Variants in CELA3A observed in about 807,000 individuals in gnomAD.
CELA3A encodes the protein chymotrypsin-like elastase family member 3A.
In CELA3A, 35 loss-of-function variants were observed where a neutral mutation model predicts 38.6. That is an observed-to-expected ratio of 0.91 (90% CI 0.69 to 1.20). The LOEUF (loss-of-function observed/expected upper bound fraction) is 1.20. Ranked by LOEUF, CELA3A falls within the 50% of genes most tolerant of loss-of-function variation. CELA3A has a pLI of 0.00. For missense variants in CELA3A, 343 were observed against 354.2 expected (o/e 0.97, Z 0.25); for synonymous variants, 143 against 136.7 (o/e 1.05, Z -0.32).
Position 22,007,438 on chromosome 1 carries a change from T to G in CELA3A, c.565T>G (p.Ser189Ala). The G allele has an allele frequency of 6.2e-7, 1 of 1,612,546 alleles. No homozygotes were observed. The highest frequency in any genetic ancestry group is 2.2e-5 in the East Asian group (1 of 44,706). The change falls in exon 6 of 8, where the codon TCC becomes GCC. Residue 189 changes from serine (S) to alanine (A), a missense_variant. Physicochemically the swap from Ser to Ala is moderately conservative, Grantham distance 99. Transcript: ENST00000290122. ...GCCCGTGGTGGACTATAAGCACTGC[T>G]CCAGGTGGAACTGGTGGGGTTCCAC... ...RLPVVDYKHC[S>A]RWNWWGSTVK...
intron 1 of CELA3A, chr1:22,002,629 C>A (rs533381882): frequency 2.2e-6 from 1 of 457,888 alleles, no homozygotes; most frequent in Admixed American, 2.4e-5. Flanking sequence ...AGGTGTGAAC[C>A]ACCACACACA....
At chr1:22,004,053 T>C (rs1363009456) in intron 2 of CELA3A, among the ~76,000 whole-genome samples, 1 of 129,274 alleles carries the variant, frequency 7.7e-6, no homozygotes, top group Non-Finnish European at 1.5e-5. Context: ...TCAGTGCTTT[T>C]TTCTTTTCTT....
At chr1:22,003,578 G>A (rs1644930865) in intron 2 of CELA3A, among the ~76,000 whole-genome samples, 1 of 150,744 alleles carries the variant, frequency 6.6e-6, no homozygotes, top group Admixed American at 6.6e-5. Flanking sequence ...CTACTCAGGA[G>A]GCTGAGGCAG....
rs552629943 is a variant in CELA3A, at chr1:22,006,474, C to A, written c.363-404C>A. Among the ~76,000 whole-genome samples the A allele has an allele frequency of 4.2e-4, 64 of 151,332 alleles. 1 individual carries two copies. In the South Asian group the frequency reaches 8.5e-3, roughly 20 times the overall value. On this transcript the variant is annotated intron_variant, in intron 4 of 7. Transcript: ENST00000290122. ...CTCGGGAGGCGGAGGCTGCAGTGAG[C>A]CAAGATCATGCCACTGCACTCCAGC... is the stretch of plus-strand genomic sequence containing the variant.
Position 22,008,154 on chromosome 1 carries a change from T to TC in CELA3A, c.642+639_642+640insC, listed in dbSNP as rs1399277967. Among the ~76,000 whole-genome samples the TC allele has an allele frequency of 3.8e-5, 5 of 130,378 alleles. 1 individual carries two copies. The highest frequency in any genetic ancestry group is 1.1e-4 in the African/African-American group (4 of 36,840). 85.5% of individuals were successfully genotyped at this position (130,378 alleles called of 152,430 possible). ...GGCGACACAGCAAGACGTTGTCTCT[T>TC]TTTTTTTTTTTTTTGAGACAGGATC... On this transcript the variant is annotated intron_variant, in intron 6 of 7. Coordinates refer to ENST00000290122, the MANE Select transcript of CELA3A (RefSeq NM_005747.5).
chr1:22,005,014 G>A (rs1247974846), intron 2 of CELA3A, among the ~76,000 whole-genome samples: 3 of 150,422 alleles, frequency 2.0e-5, no homozygotes, highest in Non-Finnish European at 3.0e-5. Flanking sequence ...CAGGAGAATC[G>A]CTTGAACCCG....
chr1:22,007,247 C>T (rs1311514884), intron 5 of CELA3A, 126 bp from the exon 6 acceptor site: 2 of 1,383,236 alleles, frequency 1.4e-6, no homozygotes, highest in African/African-American at 3.0e-5. Context: ...CATGCAGGAC[C>T]ATTTAGCGGG....
chr1:22,002,850 ACT>A (rs1331721002), intron 1 of CELA3A, among the ~76,000 whole-genome samples, 151 bp from the exon 2 acceptor site: 1 of 151,062 alleles, frequency 6.6e-6, no homozygotes, highest in Non-Finnish European at 1.5e-5. Context: ...TTAAATGTTC[ACT>A]GTTCATATGT....
intron 2 of CELA3A, among the ~76,000 whole-genome samples, chr1:22,003,895 G>A (rs1472558951): frequency 6.7e-6 from 1 of 150,166 alleles, no homozygotes; most frequent in Middle Eastern, 3.2e-3. Context: ...GTAGAGACAG[G>A]GTTTCACTGT....
At chr1:22,010,994 T>G (rs1177275742) in intron 7 of CELA3A, 1 of 151,276 alleles carries the variant, frequency 6.6e-6, no homozygotes, top group African/African-American at 2.4e-5. Flanking sequence ...AGTGCTTGCT[T>G]TGGCAGCACA....
chr1:22,010,547 T>C (rs976557837), intron 7 of CELA3A: 36 of 174,988 alleles, frequency 2.1e-4, no homozygotes, highest in South Asian at 1.0e-3. Context: ...ACCTGGGAGG[T>C]GGAGGTTGCA....
At position 22,001,983 on chromosome 1, in the gene CELA3A, G is replaced by A. The variant is rs139352245; in HGVS notation, c.43+266G>A. On this transcript the variant is annotated intron_variant, in intron 1 of 7. Coordinates refer to ENST00000290122, the MANE Select transcript of CELA3A (RefSeq NM_005747.5). ...AGTAAACAAAGTCAAACGGTTAAGA[G>A]TTTGGACTGTGTGGTTGGACTTCTT... Among the ~76,000 whole-genome samples the A allele has an allele frequency of 3.2e-3, 480 of 151,110 alleles. 24 individuals carry two copies. The highest frequency in any genetic ancestry group is 0.011 in the African/African-American group (465 of 40,790).
rs1644948568 is a variant in CELA3A, at chr1:22,006,095, C to T, written c.362+299C>T. 5 of 389,410 alleles carry T rather than the reference C, an allele frequency of 1.3e-5. No individual in the cohort carries two copies. In the East Asian group the frequency reaches 2.2e-4, roughly 17 times the overall value. The allele number at this position is 389,410 out of a possible 1,614,324, so 24.1% of individuals were successfully genotyped here. ...GCTAGTGGCTTCAGAGCTCAGGGTT[C>T]CTCTGGCATCCTTCCCCCATATCCG... On this transcript the variant is annotated intron_variant, in intron 4 of 7. Coordinates refer to ENST00000290122, the MANE Select transcript of CELA3A (RefSeq NM_005747.5).
intron 1 of CELA3A, among the ~76,000 whole-genome samples, chr1:22,002,218 T>A (rs989954629): frequency 1.3e-5 from 2 of 151,310 alleles, no homozygotes; most frequent in Non-Finnish European, 2.9e-5. Flanking sequence ...GCAGAATGTT[T>A]AGGGATTTTC....
rs750884094 is a variant in CELA3A at position 22,012,510 on chromosome 1, A to G, written c.*43A>G. The G allele has an allele frequency of 4.5e-5, 44 of 986,172 alleles. 2 individuals are homozygous for G. The highest frequency in any genetic ancestry group is 6.2e-5 in the Non-Finnish European group (43 of 691,012). 61.1% of individuals were successfully genotyped at this position (986,172 alleles called of 1,614,324 possible). On this transcript the variant is annotated 3_prime_UTR_variant, in exon 8 of 8. Coordinates refer to ENST00000290122, the MANE Select transcript of CELA3A (RefSeq NM_005747.5). ...CAGTGCTGATCGATCCCACATCCTG[A>G]ATAAAGAATAAAGATCTCTCAGAAA...
chr1:22,002,424 C>T (rs143221848), intron 1 of CELA3A: 6,645 of 414,984 alleles, frequency 0.016, 279 homozygotes, highest in African/African-American at 0.068. Flanking sequence ...TCTCAAAATC[C>T]TGGCCTCAAG....
chr1:22,009,181 C>A (rs555746343), intron 6 of CELA3A, among the ~76,000 whole-genome samples: 7 of 151,032 alleles, frequency 4.6e-5, no homozygotes, highest in Non-Finnish European at 1.0e-4. Context: ...CTGGCTAACA[C>A]GGTGAAACCC....
intron 1 of CELA3A, chr1:22,002,581 G>A (rs1387745163): frequency 4.4e-6 from 2 of 455,898 alleles, no homozygotes; most frequent in Non-Finnish European, 8.8e-6. Context: ...GGGCTCAAGC[G>A]ATCCTCCCGC....
intron 7 of CELA3A, 185 bp downstream of exon 7, chr1:22,010,042 G>T (rs1477922180): frequency 1.0e-5 from 9 of 891,150 alleles, no homozygotes; most frequent in Non-Finnish European, 1.3e-5. Flanking sequence ...CCAGGAACTT[G>T]ATGGCTTCTG....
Sources: gnomAD v4.1 joint callset for allele counts (sites outside exome capture counted in the v4.1 genomes callset) on GRCh38, gnomAD v4.1.1 for gene constraint, MANE v1.5 for transcripts, NCBI Gene and HGNC (gene_info 2026-07-23, HGNC 2026-07-21) for gene names.